BAZ1A: variants seen among roughly 807,000 people sequenced by gnomAD.
BAZ1A encodes the protein bromodomain adjacent to zinc finger domain 1A.
In BAZ1A, 50 loss-of-function variants were observed where a neutral mutation model predicts 185.2. The observed-to-expected ratio is 0.27, with a 90% CI of 0.22 to 0.34. The LOEUF (loss-of-function observed/expected upper bound fraction) is 0.34. Ranked by LOEUF, BAZ1A falls within the 10% of genes least tolerant of loss-of-function variation. The pLI, the probability that BAZ1A is intolerant of heterozygous loss-of-function variation, is 1.00. For missense variants in BAZ1A, 1,356 were observed against 1,839.9 expected (o/e 0.74, Z 4.81); for synonymous variants, 571 against 615.6 (o/e 0.93, Z 1.07).
chr14:34,755,094 T>A (rs1199415090), intron 25 of BAZ1A, among the ~76,000 whole-genome samples, 180 bp from the exon 26 acceptor site: 1 of 152,080 alleles, frequency 6.6e-6, no homozygotes. Context: ...TATACAGATA[T>A]ATATCTATAT....
Position 34,765,794 on chromosome 14 carries a change from A to C in BAZ1A, c.3302-526T>G, listed in dbSNP as rs573138116. Among the ~76,000 whole-genome samples, 3 of 152,278 alleles carry C rather than the reference A, an allele frequency of 2.0e-5. No individual in the cohort carries two copies. The East Asian group carries it at 5.8e-4, about 30-fold the overall frequency. The stretch of plus-strand genomic sequence containing the variant: ...ATAGAAACATTTGAAACCTTCTGTC[A>C]CTTAACATCACCATTCTTTATCTTC... On this transcript the variant is annotated intron_variant, in intron 21 of 26. Transcript: ENST00000360310.
chr14:34,793,867 C>T (rs896700357), intron 11 of BAZ1A, among the ~76,000 whole-genome samples: 4 of 151,796 alleles, frequency 2.6e-5, no homozygotes, highest in African/African-American at 4.8e-5. Flanking sequence ...GCTTGAACCC[C>T]GGAGGTGGAG....
intron 4 of BAZ1A, among the ~76,000 whole-genome samples, chr14:34,816,295 G>A (rs2042005989): frequency 6.6e-6 from 1 of 151,874 alleles, no homozygotes; most frequent in African/African-American, 2.4e-5. Flanking sequence ...CACCGTGTTA[G>A]ACAGGATGGG....
intron 17 of BAZ1A, among the ~76,000 whole-genome samples, chr14:34,777,644 C>CG (rs1879731988): frequency 7.9e-6 from 1 of 125,820 alleles, no homozygotes; most frequent in Non-Finnish European, 1.7e-5. Flanking sequence ...ACTCTGTCTC[C>CG]AAAAAAAAAA....
At chr14:34,790,379 A>T (rs1465909063) in intron 12 of BAZ1A, among the ~76,000 whole-genome samples, 1 of 152,070 alleles carries the variant, frequency 6.6e-6, no homozygotes, top group Non-Finnish European at 1.5e-5. Flanking sequence ...TGAGACACAG[A>T]GTCTCTCTCT....
chr14:34,767,847 T>C (rs1203587980), intron 21 of BAZ1A, among the ~76,000 whole-genome samples: 2 of 152,148 alleles, frequency 1.3e-5, no homozygotes, highest in Non-Finnish European at 2.9e-5. Context: ...TTTTAGAATC[T>C]TGGAAATTAG....
rs1292294422 is a variant in BAZ1A at position 34,826,162 on chromosome 14, A to G, written c.393-6T>C. On this transcript the variant is annotated splice_region_variant and splice_polypyrimidine_tract_variant and intron_variant, in intron 3 of 26. Coordinates refer to ENST00000360310, the MANE Select transcript of BAZ1A (RefSeq NM_013448.3). ...CCAAAATCCTACACTGCAACCTGAA[A>G]TAAAATGATACATTTAAAAATGCAA... is the stretch of plus-strand genomic sequence containing the variant. 6.2e-7 allele frequency: 1 copy of G among 1,605,148 alleles called. No homozygotes were observed. The highest frequency in any genetic ancestry group is 2.2e-5 in the East Asian group (1 of 44,786).
At chr14:34,859,199 T>C (rs188003005) in intron 3 of BAZ1A, among the ~76,000 whole-genome samples, 57 of 152,266 alleles carry the variant, frequency 3.7e-4, no homozygotes, top group African/African-American at 1.3e-3. Flanking sequence ...CCTAGCACTT[T>C]GGGAAGCCGA....
intron 17 of BAZ1A, 106 bp from the exon 18 acceptor site, chr14:34,776,621 G>A (rs1879631110): frequency 3.4e-6 from 3 of 878,312 alleles, no homozygotes; most frequent in Non-Finnish European, 5.1e-6. Context: ...GAACTAAACT[G>A]TATCCCCTCT....
At chr14:34,803,114 C>A in intron 6 of BAZ1A, 126 bp from the exon 7 acceptor site, 1 of 1,015,258 alleles carries the variant, frequency 9.8e-7, no homozygotes, top group South Asian at 1.6e-5. Flanking sequence ...GGCACAGTGG[C>A]TCATGCCTGT....
intron 3 of BAZ1A, among the ~76,000 whole-genome samples, chr14:34,829,267 GAAAAAA>G (rs60176426): frequency 0.35 from 29,795 of 85,628 alleles, 3,746 homozygotes; most frequent in Admixed American, 0.45. Flanking sequence ...CTCTGTCTCT[GAAAAAA>G]AAAAAAAAAA....
intron 3 of BAZ1A, among the ~76,000 whole-genome samples, chr14:34,832,744 A>G (rs2042268418): frequency 6.6e-6 from 1 of 152,232 alleles, no homozygotes; most frequent in Non-Finnish European, 1.5e-5. Flanking sequence ...CAACTGCTAC[A>G]GAGAACAGTT....
In BAZ1A at chr14:34,843,562, G is replaced by GA. The variant is rs142967341; in HGVS notation, c.393-17407dup. On this transcript the variant is annotated intron_variant, in intron 3 of 26. Coordinates refer to ENST00000360310, the MANE Select transcript of BAZ1A (RefSeq NM_013448.3). ...CTAGCCAGGTCAGCCCAGACTCTAA[G>GA]AACATTGCAGCCAACCACAGAATTG... Among the ~76,000 whole-genome samples, 19 of 152,236 alleles carry GA rather than the reference G, an allele frequency of 1.2e-4. No homozygotes were observed. The East Asian group carries it at 2.3e-3, about 19-fold the overall frequency.
chr14:34,774,952 T>G (rs1879490424), intron 18 of BAZ1A, among the ~76,000 whole-genome samples: 1 of 152,172 alleles, frequency 6.6e-6, no homozygotes, highest in African/African-American at 2.4e-5. Context: ...TAGTGGCTCA[T>G]GCCTGTAATC....
chr14:34,798,595 T>C (rs1881334116), intron 9 of BAZ1A, among the ~76,000 whole-genome samples: 1 of 152,196 alleles, frequency 6.6e-6, no homozygotes, highest in Non-Finnish European at 1.5e-5. Flanking sequence ...CAGACACTTC[T>C]CAAAAGAAGA....
chr14:34,810,832 A>G, intron 5 of BAZ1A, 103 bp downstream of exon 5: 1 of 787,650 alleles, frequency 1.3e-6, no homozygotes, highest in Non-Finnish European at 2.1e-6. Context: ...TTAAGAAGGA[A>G]AGCAATCACA....
intron 21 of BAZ1A, chr14:34,771,026 G>A (rs1047260218): frequency 6.6e-6 from 1 of 152,142 alleles, no homozygotes; most frequent in Admixed American, 6.6e-5. Context: ...TAAAGAGACA[G>A]GGTCTTACTC....
intron 3 of BAZ1A, among the ~76,000 whole-genome samples, chr14:34,841,404 T>G (rs1327114498): frequency 2.0e-5 from 3 of 152,294 alleles, no homozygotes; most frequent in Non-Finnish European, 4.4e-5. Context: ...GTGTTTTCTT[T>G]TTTTTGGAGA....
intron 3 of BAZ1A, among the ~76,000 whole-genome samples, chr14:34,828,065 C>T (rs1053446031): frequency 5.9e-5 from 9 of 151,888 alleles, no homozygotes; most frequent in Admixed American, 3.3e-4. Context: ...GACACCGAGG[C>T]GGGCGGATCA....
Sources: allele counts gnomAD v4.1 joint callset (sites outside exome capture counted in the v4.1 genomes callset), GRCh38; gene constraint gnomAD v4.1.1; transcripts MANE v1.5; gene names NCBI Gene and HGNC (gene_info 2026-07-23, HGNC 2026-07-21).